The following PCDHGA5 variants were observed in gnomAD, a reference collection of about 807,000 sequenced individuals.
PCDHGA5 encodes the protein protocadherin gamma subfamily A, 5.
In PCDHGA5, 36 loss-of-function variants were observed where a neutral mutation model predicts 56.7. The ratio of observed to expected loss-of-function variants is 0.64; its 90% CI spans 0.49 to 0.84. The LOEUF is 0.84. Among genes scored for constraint, PCDHGA5 ranks in the 40% least tolerant of loss-of-function variants. The pLI is 0.00. For synonymous variants in PCDHGA5, 563 were observed against 520.2 expected, an observed-to-expected ratio of 1.08 and a Z score of -1.12; for missense variants, 1,305 against 1,201.5, an observed-to-expected ratio of 1.09 and a Z score of -1.27.
At position 141,394,998 on chromosome 5, in the gene PCDHGA5, G is replaced by T. The variant is rs774774010; in HGVS notation, c.2421+28247G>T. On this transcript the variant is annotated intron_variant, in intron 1 of 3. Transcript: ENST00000518069. ...CAAGTCACGCCTGCTCCAGGATTCC[G>T]GTGGCAGATTGGTAGGCGTGCCTGC... The T allele has an allele frequency of 2.7e-5, 44 of 1,613,892 alleles. No homozygotes were observed. Among genetic ancestry groups the T allele is most frequent in the Non-Finnish European group, 3.1e-5 (36 of 1,179,930 alleles).
At chr5:141,389,577 C>A in intron 1 of PCDHGA5, 1 of 1,613,244 alleles carries the variant, frequency 6.2e-7, no homozygotes. Context: ...GTACCCCGCG[C>A]TGGGTCCCGA....
chr5:141,405,295 C>T lies in PCDHGA5; in HGVS notation c.2421+38544C>T, dbSNP rs192426924. On this transcript the variant is annotated intron_variant, in intron 1 of 3. Transcript: ENST00000518069. ...CCAACTATGCAGACACACTCATCAG[C>T]CAGCAGAGCTGTGAGAAAAATGAGC... 26 of 1,614,180 alleles carry T rather than the reference C, an allele frequency of 1.6e-5. No individual in the cohort carries two copies. In the East Asian group the frequency reaches 4.0e-4, roughly 25 times the overall value.
intron 1 of PCDHGA5, among the ~76,000 whole-genome samples, chr5:141,397,436 G>GT (rs1255719276): frequency 6.6e-6 from 1 of 152,172 alleles, no homozygotes; most frequent in Non-Finnish European, 1.5e-5. Flanking sequence ...TCCCTAATAT[G>GT]TGTAATATAA....
intron 1 of PCDHGA5, chr5:141,400,317 G>A: frequency 6.2e-7 from 1 of 1,614,078 alleles, no homozygotes; most frequent in Middle Eastern, 1.6e-4. Flanking sequence ...TCTGTGTCAA[G>A]TCTGGACCTG....
rs761155361 is a variant in PCDHGA5, at chr5:141,365,110, G to A, written c.780G>A (p.Arg260=). 2.5e-6 allele frequency: 4 copies of A among 1,613,868 alleles called. No homozygotes were observed. In the South Asian group the frequency reaches 4.4e-5, roughly 18 times the overall value. Residue 260 remains arginine (R), a synonymous_variant, in exon 1 of 4, where the codon CGG becomes CGA. Transcript: ENST00000518069. The part of the protein sequence containing the change: ...SVPENIPVGT[R]LLMLTATDPD... ...CAGAGAACATACCTGTGGGCACTCG[G>A]CTGCTCATGCTAACCGCCACGGATC...
chr5:141,384,164 T>C, intron 1 of PCDHGA5: 1 of 1,613,724 alleles, frequency 6.2e-7, no homozygotes, highest in Non-Finnish European at 8.5e-7. Flanking sequence ...AACATCACAC[T>C]GAAAGCCACA....
At chr5:141,382,749 G>T in intron 1 of PCDHGA5, 1 of 612,210 alleles carries the variant, frequency 1.6e-6, no homozygotes, top group Non-Finnish European at 2.8e-6. Context: ...GACAGATTGC[G>T]ATAAGCCCTC....
At chr5:141,449,796 A>G (rs1358409274) in intron 1 of PCDHGA5, among the ~76,000 whole-genome samples, 2 of 151,590 alleles carry the variant, frequency 1.3e-5, no homozygotes, top group Admixed American at 6.6e-5. Context: ...TTATTCCTAA[A>G]TACCTCATTG....
intron 2 of PCDHGA5, among the ~76,000 whole-genome samples, chr5:141,495,601 G>A (rs1315613802): frequency 3.3e-5 from 5 of 152,004 alleles, no homozygotes; most frequent in South Asian, 2.1e-4. Context: ...CTTAGCTTCC[G>A]TCTTGATTGC....
At chr5:141,420,907 C>G (rs916293573) in intron 1 of PCDHGA5, 3 of 301,914 alleles carry the variant, frequency 9.9e-6, no homozygotes, top group Admixed American at 4.6e-5. Context: ...TCTACAAATA[C>G]GTGTGATTCA....
At chr5:141,420,457 T>A in intron 1 of PCDHGA5, 1 of 927,890 alleles carries the variant, frequency 1.1e-6, no homozygotes. Flanking sequence ...TTCCTACTAT[T>A]CAAAGACATT....
intron 1 of PCDHGA5, chr5:141,441,943 C>CT: frequency 1.2e-5 from 4 of 336,004 alleles, no homozygotes; most frequent in South Asian, 1.1e-4. Flanking sequence ...CTACCACGTG[C>CT]TGCAGGCCAG....
chr5:141,399,695 C>G, intron 1 of PCDHGA5: 1 of 1,613,480 alleles, frequency 6.2e-7, no homozygotes, highest in South Asian at 1.1e-5. Flanking sequence ...CAGCTGCGCA[C>G]CTTCGAACTC....
At chr5:141,452,106 CTCT>C (rs748460925) in intron 1 of PCDHGA5, among the ~76,000 whole-genome samples, 12 of 152,096 alleles carry the variant, frequency 7.9e-5, no homozygotes, top group South Asian at 4.1e-4. Flanking sequence ...GCTTTCTTTT[CTCT>C]TCTTATTTAT....
chr5:141,457,877 C>A (rs1488774514), intron 1 of PCDHGA5, among the ~76,000 whole-genome samples: 1 of 152,196 alleles, frequency 6.6e-6, no homozygotes, highest in Admixed American at 6.6e-5. Context: ...AGGTTAGGAA[C>A]CCTGTGTGGG....
chr5:141,507,478 C>A (rs933478897), intron 3 of PCDHGA5, among the ~76,000 whole-genome samples: 3 of 152,158 alleles, frequency 2.0e-5, no homozygotes, highest in Non-Finnish European at 4.4e-5. Context: ...GGACTGCTGG[C>A]CTCCTGAGGC....
intron 1 of PCDHGA5, chr5:141,383,918 T>C: frequency 6.2e-7 from 1 of 1,613,948 alleles, no homozygotes. Flanking sequence ...GTTTTAGATG[T>C]AAATGATAAT....
At chr5:141,375,718 C>T in intron 1 of PCDHGA5, 2 of 1,614,270 alleles carry the variant, frequency 1.2e-6, no homozygotes, top group African/African-American at 1.3e-5. Context: ...TTAGCAGCAA[C>T]GTGTCACTGA....
At chr5:141,478,395 T>C in intron 1 of PCDHGA5, 1 of 1,613,510 alleles carries the variant, frequency 6.2e-7, no homozygotes, top group Non-Finnish European at 8.5e-7. Flanking sequence ...TACCATCAGG[T>C]GTATCTCACC....
Sources: gnomAD v4.1 joint callset for allele counts (sites outside exome capture counted in the v4.1 genomes callset) on GRCh38, gnomAD v4.1.1 for gene constraint, MANE v1.5 for transcripts, NCBI Gene and HGNC (gene_info 2026-07-23, HGNC 2026-07-21) for gene names.